The following MDGA2 variants were observed in gnomAD, a reference collection of about 807,000 sequenced individuals.
MDGA2 encodes the protein MAM domain containing glycosylphosphatidylinositol anchor 2.
In MDGA2, 40 loss-of-function variants were observed where a neutral mutation model predicts 117.8. That is an observed-to-expected ratio of 0.34 (90% confidence interval 0.26 to 0.44). The LOEUF (loss-of-function observed/expected upper bound fraction) is 0.44, where lower values mean the gene tolerates loss of function less well. Ranked by LOEUF, MDGA2 falls within the 20% of genes least tolerant of loss-of-function variation. The pLI is 1.00. For synonymous variants in MDGA2, 452 were observed against 439.0 expected, an observed-to-expected ratio of 1.03 and a Z score of -0.37; for missense variants, 1,123 against 1,250.6, an observed-to-expected ratio of 0.90 and a Z score of 1.54.
Position 46,934,026 on chromosome 14 carries a change from A to T in MDGA2, c.2090-13866T>A, listed in dbSNP as rs528230061. On this transcript the variant is annotated intron_variant, in intron 9 of 16. Coordinates refer to ENST00000399232, the MANE Select transcript of MDGA2 (RefSeq NM_001113498.3). ...CAAAATAAGTTTAGTTAAGAATCTT[A>T]TCCAAAAATTCAAAAGGATTACTTA... 7.9e-5 allele frequency among the ~76,000 whole-genome samples: 12 copies of T among 151,726 alleles called. No homozygotes were observed. In the South Asian group the frequency reaches 2.5e-3, roughly 31 times the overall value.
intron 3 of MDGA2, among the ~76,000 whole-genome samples, chr14:47,164,949 T>C (rs929645328): frequency 6.6e-6 from 1 of 152,096 alleles, no homozygotes; most frequent in Admixed American, 6.5e-5. Flanking sequence ...CTGTCCTTTG[T>C]AGGGACTTGG....
intron 3 of MDGA2, among the ~76,000 whole-genome samples, chr14:47,180,875 C>T (rs569850287): frequency 2.0e-5 from 3 of 152,198 alleles, no homozygotes; most frequent in South Asian, 4.1e-4. Context: ...GAGCTGAGAT[C>T]GTGCCACTGC....
intron 1 of MDGA2, among the ~76,000 whole-genome samples, chr14:47,514,329 T>C (rs1894707555): frequency 6.6e-6 from 1 of 152,076 alleles, no homozygotes; most frequent in African/African-American, 2.4e-5. Context: ...CATCTTTCAT[T>C]TGTGAGCTCC....
intron 6 of MDGA2, among the ~76,000 whole-genome samples, chr14:47,084,628 T>C (rs1890831068): frequency 6.6e-6 from 1 of 152,116 alleles, no homozygotes; most frequent in Non-Finnish European, 1.5e-5. Flanking sequence ...CCTAACCCAT[T>C]TGTGATAGTA....
chr14:47,312,677 GTTTTT>G (rs202227321), intron 1 of MDGA2, among the ~76,000 whole-genome samples: 1 of 126,740 alleles, frequency 7.9e-6, no homozygotes, highest in Non-Finnish European at 1.7e-5. Context: ...CTAGTTTTTA[GTTTTT>G]TTTTTGTTTT....
At chr14:47,490,308 A>G (rs1472491020) in intron 1 of MDGA2, among the ~76,000 whole-genome samples, 1 of 152,134 alleles carries the variant, frequency 6.6e-6, no homozygotes, top group Non-Finnish European at 1.5e-5. Context: ...ACTAGTATGC[A>G]TATATAGAGA....
At chr14:47,064,327 G>A (rs761052268) in intron 6 of MDGA2, among the ~76,000 whole-genome samples, 13 of 152,128 alleles carry the variant, frequency 8.5e-5, no homozygotes, top group Non-Finnish European at 1.3e-4. Context: ...TCTGCTAAGT[G>A]AGCTCAAGTT....
intron 1 of MDGA2, among the ~76,000 whole-genome samples, chr14:47,463,438 T>G (rs974167340): frequency 2.6e-5 from 4 of 152,130 alleles, no homozygotes; most frequent in African/African-American, 7.2e-5. Flanking sequence ...ATAAATAATA[T>G]GCAAGATTAC....
chr14:47,568,119 G>C (rs962164718), intron 1 of MDGA2, among the ~76,000 whole-genome samples: 5 of 152,038 alleles, frequency 3.3e-5, no homozygotes, highest in African/African-American at 1.2e-4. Context: ...GACACAGCGA[G>C]GTTATTAAAG....
intron 3 of MDGA2, among the ~76,000 whole-genome samples, chr14:47,169,210 A>C (rs1884018500): frequency 6.6e-6 from 1 of 151,976 alleles, no homozygotes; most frequent in African/African-American, 2.4e-5. Flanking sequence ...ATCTCAGCTT[A>C]CTTATGAGTT....
intron 1 of MDGA2, among the ~76,000 whole-genome samples, chr14:47,430,239 AG>A (rs1484739609): frequency 7.2e-5 from 11 of 152,168 alleles, no homozygotes; most frequent in African/African-American, 2.4e-4. Context: ...GAACTGTTGC[AG>A]GAGATAATGG....
intron 1 of MDGA2, among the ~76,000 whole-genome samples, chr14:47,529,936 C>T (rs760989197): frequency 9.2e-5 from 14 of 152,062 alleles, no homozygotes; most frequent in East Asian, 5.8e-4. Flanking sequence ...ACTACTGCTA[C>T]GGAATAAAAG....
intron 14 of MDGA2, among the ~76,000 whole-genome samples, chr14:46,868,396 C>A (rs945563351): frequency 1.3e-5 from 2 of 151,848 alleles, no homozygotes; most frequent in Non-Finnish European, 2.9e-5. Context: ...GAAGAGACAT[C>A]ATTTCTACTC....
At chr14:47,303,199 G>C (rs539971224) in intron 1 of MDGA2, among the ~76,000 whole-genome samples, 1 of 152,250 alleles carries the variant, frequency 6.6e-6, no homozygotes, top group Admixed American at 6.5e-5. Flanking sequence ...TGCAATGACA[G>C]AGCTAGTTAG....
chr14:47,536,112 T>A (rs1895205047), intron 1 of MDGA2, among the ~76,000 whole-genome samples: 1 of 152,046 alleles, frequency 6.6e-6, no homozygotes, highest in Non-Finnish European at 1.5e-5. Context: ...TGAACTCAAA[T>A]CAAGAAATGG....
chr14:47,327,647 C>T (rs547781551), intron 1 of MDGA2, among the ~76,000 whole-genome samples: 37 of 152,212 alleles, frequency 2.4e-4, no homozygotes, highest in African/African-American at 8.7e-4. Context: ...TTATTCACAT[C>T]GTATAATGCA....
chr14:47,302,235 G>A (rs1260996101), intron 1 of MDGA2, among the ~76,000 whole-genome samples: 1 of 152,034 alleles, frequency 6.6e-6, no homozygotes, highest in Admixed American at 6.6e-5. Flanking sequence ...AGTGCCAAGG[G>A]GCCAGTAAAA....
intron 2 of MDGA2, among the ~76,000 whole-genome samples, chr14:47,257,343 G>A (rs1242854857): frequency 2.0e-5 from 3 of 151,868 alleles, no homozygotes; most frequent in Non-Finnish European, 2.9e-5. Flanking sequence ...CTCTTGTTTT[G>A]CCTCGGATAT....
At chr14:47,173,039 A>T (rs1315155013) in intron 3 of MDGA2, among the ~76,000 whole-genome samples, 2 of 152,182 alleles carry the variant, frequency 1.3e-5, no homozygotes, top group South Asian at 2.1e-4. Flanking sequence ...AACTGGAAGA[A>T]AGGGTATCAG....
Sources: allele counts gnomAD v4.1 joint callset (sites outside exome capture counted in the v4.1 genomes callset), GRCh38; gene constraint gnomAD v4.1.1; transcripts MANE v1.5; gene names NCBI Gene and HGNC (gene_info 2026-07-23, HGNC 2026-07-21).